Variants in ARHGAP42 observed in about 807,000 individuals in gnomAD.
ARHGAP42 encodes rho GTPase-activating protein 42.
ARHGAP42 carries 63 observed loss-of-function variants against 125.0 expected under a neutral mutation model. The ratio of observed to expected loss-of-function variants is 0.50; its 90% CI spans 0.41 to 0.62. The LOEUF is 0.62. Among genes scored for constraint, ARHGAP42 ranks in the 20% least tolerant of loss-of-function variants. ARHGAP42 has a pLI of 0.00. For missense variants in ARHGAP42, 766 were observed against 1,024.2 expected, an observed-to-expected ratio of 0.75 and a Z score of 3.44; for synonymous variants, 339 against 351.0, an observed-to-expected ratio of 0.97 and a Z score of 0.38.
At chr11:100,829,205 CT>C (rs1864601288) in intron 3 of ARHGAP42, among the ~76,000 whole-genome samples, 1 of 151,832 alleles carries the variant, frequency 6.6e-6, no homozygotes, top group African/African-American at 2.4e-5. Flanking sequence ...AGAATGGTGG[CT>C]TGGGGAAAAA....
At chr11:100,891,177 A>G (rs1432475843) in intron 4 of ARHGAP42, among the ~76,000 whole-genome samples, 1 of 152,186 alleles carries the variant, frequency 6.6e-6, no homozygotes, top group African/African-American at 2.4e-5. Context: ...CATATGTTTC[A>G]TAGGGTTTTT....
chr11:100,948,404 G>GTA, intron 10 of ARHGAP42, 53 bp from the exon 11 acceptor site: 1 of 1,282,146 alleles, frequency 7.8e-7, no homozygotes, highest in Non-Finnish European at 1.1e-6. Context: ...AGTTAACTGA[G>GTA]AATTTAAAAA....
rs911549646 is a variant in ARHGAP42 at position 100,884,444 on chromosome 11, A to G, written c.384+24819A>G. Among the ~76,000 whole-genome samples the G allele has an allele frequency of 3.9e-5, 6 of 152,122 alleles. 1 individual carries two copies. The highest frequency in any genetic ancestry group is 3.9e-4 in the Admixed American group (6 of 15,262). On this transcript the variant is annotated intron_variant, in intron 4 of 23. Transcript: ENST00000298815. ...TTGTATTTATTAACTGGGGGCGAAC[A>G]CTTAGTAACTAGGAATTTATTTTAA...
chr11:100,900,111 A>G (rs1180142243), intron 4 of ARHGAP42, among the ~76,000 whole-genome samples: 1 of 152,134 alleles, frequency 6.6e-6, no homozygotes, highest in Non-Finnish European at 1.5e-5. Context: ...GGTGGTGACA[A>G]AATCTCTTGG....
intron 4 of ARHGAP42, among the ~76,000 whole-genome samples, chr11:100,885,005 C>T (rs550532933): frequency 4.9e-4 from 75 of 152,254 alleles, no homozygotes; most frequent in African/African-American, 1.7e-3. Context: ...ACCTTTTCTT[C>T]CCCAGTGAGC....
intron 3 of ARHGAP42, among the ~76,000 whole-genome samples, chr11:100,835,784 C>A (rs1591222694): frequency 5.1e-5 from 4 of 78,530 alleles, no homozygotes; most frequent in Non-Finnish European, 1.3e-4. Context: ...TCCATTGGAT[C>A]CCCCCTTATA....
At chr11:100,948,031 T>C (rs1340355182) in intron 10 of ARHGAP42, among the ~76,000 whole-genome samples, 1 of 152,060 alleles carries the variant, frequency 6.6e-6, no homozygotes. Flanking sequence ...GATATGAGGC[T>C]TTCCACATTG....
At chr11:100,957,183 A>C (rs918435587) in intron 12 of ARHGAP42, among the ~76,000 whole-genome samples, 10 of 152,138 alleles carry the variant, frequency 6.6e-5, no homozygotes, top group Middle Eastern at 3.2e-3. Context: ...GCCTAGTAAC[A>C]GAGCTAATAA....
At chr11:100,899,069 A>T (rs936978938) in intron 4 of ARHGAP42, among the ~76,000 whole-genome samples, 1 of 152,200 alleles carries the variant, frequency 6.6e-6, no homozygotes, top group Non-Finnish European at 1.5e-5. Context: ...TTCAAAGAAC[A>T]TCTTTATTTC....
intron 4 of ARHGAP42, among the ~76,000 whole-genome samples, chr11:100,911,298 T>A (rs950519473): frequency 3.3e-5 from 5 of 152,162 alleles, no homozygotes; most frequent in Non-Finnish European, 5.9e-5. Context: ...ATTTATTGAG[T>A]ATTCATTAGG....
At chr11:100,862,911 C>G (rs1865477583) in intron 4 of ARHGAP42, among the ~76,000 whole-genome samples, 1 of 151,750 alleles carries the variant, frequency 6.6e-6, no homozygotes, top group African/African-American at 2.4e-5. Context: ...GTGGTGCATG[C>G]CTGTAATCCC....
intron 3 of ARHGAP42, among the ~76,000 whole-genome samples, chr11:100,825,249 T>G (rs1263240973): frequency 6.6e-6 from 1 of 152,228 alleles, no homozygotes; most frequent in African/African-American, 2.4e-5. Context: ...CCTTATATTA[T>G]GTTCTATGTT....
chr11:100,939,214 C>G (rs892776206), intron 8 of ARHGAP42, among the ~76,000 whole-genome samples: 14 of 152,190 alleles, frequency 9.2e-5, no homozygotes, highest in African/African-American at 3.4e-4. Flanking sequence ...CCTGTGCTGA[C>G]CTGTGACTTG....
Position 100,770,660 on chromosome 11 carries a change from C to G in ARHGAP42, c.250+222C>G, listed in dbSNP as rs190645359. ...TGGCGTAATCTTGACTCACTGCAACCTCTGCCTCCCGGGTTCAAGTGGTTC... is the reference window on the plus strand; with the variant it reads ...TGGCGTAATCTTGACTCACTGCAACGTCTGCCTCCCGGGTTCAAGTGGTTC... On this transcript the variant is annotated intron_variant, in intron 2 of 23. Transcript: ENST00000298815. Among the ~76,000 whole-genome samples, 469 of 152,264 alleles carry G rather than the reference C, an allele frequency of 3.1e-3. 5 individuals carry two copies. The highest frequency in any genetic ancestry group is 0.011 in the African/African-American group (442 of 41,558).
chr11:100,941,919 C>T, intron 9 of ARHGAP42, 35 bp downstream of exon 9: 1 of 1,400,286 alleles, frequency 7.1e-7, no homozygotes, highest in Non-Finnish European at 9.8e-7. Context: ...GTTTTTTAAA[C>T]TGTTCATTAT....
chr11:100,910,947 A>G (rs1866895621), intron 4 of ARHGAP42, among the ~76,000 whole-genome samples: 1 of 152,126 alleles, frequency 6.6e-6, no homozygotes, highest in Non-Finnish European at 1.5e-5. Context: ...AGAAATGCTG[A>G]TGTATTGGCT....
At chr11:100,905,214 G>T (rs1866691394) in intron 4 of ARHGAP42, among the ~76,000 whole-genome samples, 1 of 152,106 alleles carries the variant, frequency 6.6e-6, no homozygotes, top group South Asian at 2.1e-4. Flanking sequence ...ATTGAAAAAG[G>T]AAAGTGAATA....
intron 1 of ARHGAP42, among the ~76,000 whole-genome samples, chr11:100,757,919 T>C (rs777735569): frequency 6.6e-6 from 1 of 152,236 alleles, no homozygotes; most frequent in South Asian, 2.1e-4. Flanking sequence ...GAGTGGTTTA[T>C]GTATTCTTTC....
In ARHGAP42 at chr11:100,835,602, G is replaced by C. The variant is rs554856672; in HGVS notation, c.313-23952G>C. 4.6e-5 allele frequency among the ~76,000 whole-genome samples: 7 copies of C among 152,206 alleles called. No homozygotes were observed. The South Asian group carries it at 1.5e-3, about 32-fold the overall frequency. On this transcript the variant is annotated intron_variant, in intron 3 of 23. Transcript: ENST00000298815. ...TGTTGGGAAACTCAGGGTAGCAGTG[G>C]TTATCACATCGTAACTATATTATTT...
Sources: allele counts gnomAD v4.1 joint callset (sites outside exome capture counted in the v4.1 genomes callset), GRCh38; gene constraint gnomAD v4.1.1; transcripts MANE v1.5; gene names NCBI Gene and HGNC (gene_info 2026-07-23, HGNC 2026-07-21).